POU2F1: variants seen among roughly 807,000 people sequenced by gnomAD.
POU2F1 encodes POU class 2 homeobox 1, also known as POU domain, class 2, transcription factor 1.
In POU2F1, 16 loss-of-function variants were observed where a neutral mutation model predicts 84.9. That is an observed-to-expected ratio of 0.19 (90% CI 0.13 to 0.29). POU2F1 has a LOEUF of 0.29. Among genes scored for constraint, POU2F1 ranks in the 10% least tolerant of loss-of-function variants. The probability of loss-of-function intolerance (pLI) is 1.00; values close to 1 mark genes in which losing one functional copy is unlikely to be tolerated. For missense variants in POU2F1, 738 were observed against 942.6 expected (o/e 0.78, Z 2.84); for synonymous variants, 368 against 368.3 (o/e 1.00, Z 0.01).
intron 1 of POU2F1, among the ~76,000 whole-genome samples, chr1:167,255,927 G>C (rs551019942): frequency 6.6e-6 from 1 of 152,358 alleles, no homozygotes; most frequent in East Asian, 1.9e-4. Context: ...TTGGATAAGA[G>C]AAGGTGTAGA....
chr1:167,287,127 G>A (rs1290863781), intron 1 of POU2F1, among the ~76,000 whole-genome samples: 1 of 152,162 alleles, frequency 6.6e-6, no homozygotes, highest in African/African-American at 2.4e-5. Flanking sequence ...TAAAAGGGTA[G>A]GCTGGGGCGA....
At chr1:167,357,186 CCTGT>C (rs796310243) in intron 2 of POU2F1, among the ~76,000 whole-genome samples, 3 of 152,244 alleles carry the variant, frequency 2.0e-5, no homozygotes, top group African/African-American at 4.8e-5. Context: ...CCTGCTCATG[CCTGT>C]CTACCTATTG....
At chr1:167,389,887 A>G (rs1648270579) in intron 9 of POU2F1, 126 bp downstream of exon 9, 2 of 1,053,724 alleles carry the variant, frequency 1.9e-6, no homozygotes, top group East Asian at 2.6e-5. Context: ...CGGGGGACGA[A>G]AAAGGATGGT....
At chr1:167,312,492 A>G (rs1338257892) in intron 1 of POU2F1, among the ~76,000 whole-genome samples, 1 of 151,938 alleles carries the variant, frequency 6.6e-6, no homozygotes, top group Non-Finnish European at 1.5e-5. Context: ...AGCTTCCCAA[A>G]GTGCTTGGAT....
chr1:167,328,270 T>TA (rs35229289), intron 1 of POU2F1, among the ~76,000 whole-genome samples: 1 of 152,196 alleles, frequency 6.6e-6, no homozygotes, highest in Non-Finnish European at 1.5e-5. Context: ...TTTGGTAATA[T>TA]AAAAAGATTT....
At chr1:167,286,682 G>A (rs1463810758) in intron 1 of POU2F1, among the ~76,000 whole-genome samples, 6 of 152,142 alleles carry the variant, frequency 3.9e-5, no homozygotes, top group Non-Finnish European at 7.4e-5. Flanking sequence ...ACAAGGTGGA[G>A]TAAAATAAGT....
chr1:167,379,000 T>C (rs1647296048), intron 7 of POU2F1: 1 of 152,362 alleles, frequency 6.6e-6, no homozygotes, highest in Non-Finnish European at 1.5e-5. Context: ...CATGGCTCAC[T>C]GCAGTCCCAG....
At chr1:167,259,007 C>T (rs554157974) in intron 1 of POU2F1, among the ~76,000 whole-genome samples, 19 of 152,316 alleles carry the variant, frequency 1.2e-4, no homozygotes, top group African/African-American at 4.6e-4. Flanking sequence ...TTTTATTGCT[C>T]ATGTGACTGT....
chr1:167,255,139 C>G (rs1173181783), intron 1 of POU2F1, among the ~76,000 whole-genome samples: 2 of 152,066 alleles, frequency 1.3e-5, no homozygotes, highest in East Asian at 3.9e-4. Flanking sequence ...TTTTGAGTAC[C>G]ATAGGAATAA....
intron 1 of POU2F1, among the ~76,000 whole-genome samples, chr1:167,247,266 C>T (rs569735888): frequency 1.7e-4 from 26 of 152,040 alleles, no homozygotes; most frequent in Non-Finnish European, 3.1e-4. Flanking sequence ...TTTGTAGAGA[C>T]GGTTGCCCAG....
rs1036788393 is a variant in POU2F1, at chr1:167,421,777, A to G, written c.*5967A>G. On this transcript the variant is annotated 3_prime_UTR_variant, in exon 16 of 16. Coordinates refer to ENST00000367866, the MANE Select transcript of POU2F1 (RefSeq NM_002697.4). ...AAAAACCAAATAAATAAGTGAAAAA[A>G]TTTTATAAATAGTGGAAATAATTCT... 2 of 152,164 alleles carry G rather than the reference A, an allele frequency of 1.3e-5. No individual in the cohort carries two copies. The highest frequency in any genetic ancestry group is 2.9e-5 in the Non-Finnish European group (2 of 68,036). 9.4% of individuals were successfully genotyped at this position (152,164 alleles called of 1,614,324 possible). A position where few individuals can be genotyped will look rare whatever the true frequency, so the allele number is the denominator to read the frequency against.
chr1:167,366,082 C>T (rs1164195861), intron 3 of POU2F1, among the ~76,000 whole-genome samples: 2 of 152,154 alleles, frequency 1.3e-5, no homozygotes, highest in Non-Finnish European at 1.5e-5. Context: ...TATGTCACAA[C>T]ATTTTTTTCC....
chr1:167,245,574 C>T (rs1000336216), intron 1 of POU2F1, among the ~76,000 whole-genome samples: 5 of 151,984 alleles, frequency 3.3e-5, no homozygotes, highest in Non-Finnish European at 7.4e-5. Context: ...CCACCACACC[C>T]AGCTAGTTTT....
At chr1:167,264,413 C>G (rs1651793760) in intron 1 of POU2F1, among the ~76,000 whole-genome samples, 1 of 152,004 alleles carries the variant, frequency 6.6e-6, no homozygotes, top group Admixed American at 6.6e-5. Flanking sequence ...GTGGCCAGAA[C>G]ATATTTTGAT....
In POU2F1 at chr1:167,422,741, T is replaced by A. The variant is rs188297847; in HGVS notation, c.*6931T>A. The A allele has an allele frequency of 9.8e-5, 15 of 152,308 alleles. No individual in the cohort carries two copies. The East Asian group carries it at 2.9e-3, about 29-fold the overall frequency. 9.4% of individuals were successfully genotyped at this position (152,308 alleles called of 1,614,324 possible). ...CCACAGAACTTAAGTGGGATTTGGT[T>A]TAGATACCAAAGACACTGCTAATGT... On this transcript the variant is annotated 3_prime_UTR_variant, in exon 16 of 16. Transcript: ENST00000367866.
chr1:167,301,405 T>A (rs1173692796), intron 1 of POU2F1, among the ~76,000 whole-genome samples: 1 of 152,222 alleles, frequency 6.6e-6, no homozygotes, highest in East Asian at 1.9e-4. Flanking sequence ...AAAGATAAAA[T>A]TTTTTAAAAA....
intron 1 of POU2F1, among the ~76,000 whole-genome samples, chr1:167,308,452 A>G (rs147168062): frequency 9.5e-4 from 145 of 152,066 alleles, no homozygotes; most frequent in African/African-American, 3.5e-3. Flanking sequence ...TTCTCTTTGT[A>G]ATTAATAATT....
At chr1:167,276,250 T>TGTCA (rs1225252995) in intron 1 of POU2F1, among the ~76,000 whole-genome samples, 3 of 152,246 alleles carry the variant, frequency 2.0e-5, no homozygotes, top group African/African-American at 7.2e-5. Context: ...ACTACCTGCC[T>TGTCA]GTCAGTCATT....
At chr1:167,368,470 T>TA (rs1659823457) in intron 3 of POU2F1, among the ~76,000 whole-genome samples, 1 of 152,170 alleles carries the variant, frequency 6.6e-6, no homozygotes, top group Non-Finnish European at 1.5e-5. Flanking sequence ...TGGTAAGTAA[T>TA]ACTCTGTGAG....
Sources: allele counts gnomAD v4.1 joint callset (sites outside exome capture counted in the v4.1 genomes callset), GRCh38; gene constraint gnomAD v4.1.1; transcripts MANE v1.5; gene names NCBI Gene and HGNC (gene_info 2026-07-23, HGNC 2026-07-21).